The following PRR11 variants were observed in gnomAD, a reference collection of about 807,000 sequenced individuals.
The protein encoded by PRR11 is proline rich 11.
Under a neutral mutation model 45.6 loss-of-function variants are expected in PRR11, and 30 were observed. The observed-to-expected ratio is 0.66, with a 90% confidence interval of 0.49 to 0.89. PRR11 has a LOEUF of 0.89. PRR11 is among the 40% of genes least tolerant of loss of function. The pLI is 0.00. For synonymous variants in PRR11, 128 were observed against 153.5 expected, an observed-to-expected ratio of 0.83 and a Z score of 1.23; for missense variants, 373 against 424.8, an observed-to-expected ratio of 0.88 and a Z score of 1.07.
chr17:59,201,557 T>A lies in PRR11; in HGVS notation c.1015-6T>A. The A allele has an allele frequency of 6.2e-7, 1 of 1,609,704 alleles. No individual in the cohort carries two copies. Among genetic ancestry groups the A allele is most frequent in the Admixed American group, 1.7e-5 (1 of 59,988 alleles). On this transcript the variant is annotated splice_region_variant and splice_polypyrimidine_tract_variant and intron_variant, in intron 9 of 9. Transcript: ENST00000262293. ...ATATTATAATTGGGACTTTTTTTTT[T>A]TATAGCTGGCTCACCCTAGAAGCCC...
intron 2 of PRR11, among the ~76,000 whole-genome samples, chr17:59,184,722 A>C (rs1165869718): frequency 1.3e-5 from 2 of 152,142 alleles, no homozygotes; most frequent in African/African-American, 4.8e-5. Flanking sequence ...GCTTTCATAT[A>C]TTAGAAGATC....
intron 2 of PRR11, among the ~76,000 whole-genome samples, chr17:59,182,032 T>A (rs1805651111): frequency 6.6e-6 from 1 of 151,446 alleles, no homozygotes; most frequent in South Asian, 2.1e-4. Context: ...ATTGGTTTTT[T>A]TTTTTTTTGT....
chr17:59,178,264 G>A (rs1044601968), intron 2 of PRR11, among the ~76,000 whole-genome samples: 1 of 151,820 alleles, frequency 6.6e-6, no homozygotes, highest in Non-Finnish European at 1.5e-5. Context: ...AACCCAGGAG[G>A]CTTCAGCTGC....
At chr17:59,186,381 ATTTTTTTTTTTTTTTT>A (rs59082405) in intron 4 of PRR11, among the ~76,000 whole-genome samples, 2 of 84,666 alleles carry the variant, frequency 2.4e-5, no homozygotes, top group Non-Finnish European at 2.3e-5. Flanking sequence ...GCTGTTTGTA[ATTTTTTTTTTTTTTTT>A]TTTTTTTTTT....
chr17:59,185,780 T>C lies in PRR11; in HGVS notation c.402+218T>C, dbSNP rs116597542. On this transcript the variant is annotated intron_variant, in intron 4 of 9. Coordinates refer to ENST00000262293, the MANE Select transcript of PRR11 (RefSeq NM_018304.4). The stretch of plus-strand genomic sequence containing the variant: ...TGGGATAATCTGATCAGATAGCTGA[T>C]TGGATCAGGGAACATCTTTTCCTGA... Among the ~76,000 whole-genome samples the C allele has an allele frequency of 3.1e-3, 476 of 152,300 alleles. 3 individuals are homozygous for C. The highest frequency in any genetic ancestry group is 0.011 in the African/African-American group (463 of 41,556).
intron 4 of PRR11, among the ~76,000 whole-genome samples, chr17:59,192,060 A>G (rs1196693033): frequency 6.6e-6 from 1 of 152,162 alleles, no homozygotes; most frequent in Non-Finnish European, 1.5e-5. Context: ...GGCTTTACAA[A>G]TGTAATTAGG....
At chr17:59,201,042 C>G (rs553522001) in intron 9 of PRR11, among the ~76,000 whole-genome samples, 22 of 152,118 alleles carry the variant, frequency 1.4e-4, no homozygotes, top group African/African-American at 5.1e-4. Flanking sequence ...TTTTGGCACA[C>G]CCATCACCCA....
In PRR11 at chr17:59,162,034, T is replaced by C. The variant is rs546002985; in HGVS notation, c.-6+6229T>C. Among the ~76,000 whole-genome samples, 5 of 152,280 alleles carry C rather than the reference T, an allele frequency of 3.3e-5. No individual in the cohort carries two copies. The East Asian group carries it at 9.6e-4, about 29-fold the overall frequency. On this transcript the variant is annotated intron_variant, in intron 1 of 9. Transcript: ENST00000262293. ...TTTGACTGAGGTAGAAATTTGCTATTCTCCACTTTCGCAAGAGCTGTGATT... is the reference window on the plus strand; with the variant it reads ...TTTGACTGAGGTAGAAATTTGCTATCCTCCACTTTCGCAAGAGCTGTGATT...
At chr17:59,191,350 C>G (rs1199923647) in intron 4 of PRR11, among the ~76,000 whole-genome samples, 1 of 151,754 alleles carries the variant, frequency 6.6e-6, no homozygotes, top group Non-Finnish European at 1.5e-5. Flanking sequence ...TCCCAAGTAG[C>G]TGGGATTACA....
intron 1 of PRR11, among the ~76,000 whole-genome samples, chr17:59,158,874 G>A (rs569041329): frequency 3.9e-5 from 6 of 152,338 alleles, no homozygotes; most frequent in Admixed American, 3.9e-4. Flanking sequence ...TGCACCCAGT[G>A]CAGTGGCGTG....
At position 59,169,708 on chromosome 17, in the gene PRR11, A is replaced by G. The variant is rs1448621968; in HGVS notation, c.-5-40A>G. On this transcript the variant is annotated intron_variant, in intron 1 of 9. Transcript: ENST00000262293. ...ATTTGTGTACTTTCTATATGTATAT[A>G]TTATTCTTCAATTAAAAATGTAAAA... The G allele has an allele frequency of 1.0e-5, 15 of 1,477,316 alleles. No homozygotes were observed. The Admixed American group carries it at 2.6e-4, about 25-fold the overall frequency. 91.5% of individuals were successfully genotyped at this position (1,477,316 alleles called of 1,614,324 possible).
chr17:59,197,721 A>G lies in PRR11; in HGVS notation c.946A>G (p.Lys316Glu). The G allele has an allele frequency of 1.2e-6, 2 of 1,614,024 alleles. No homozygotes were observed. The highest frequency in any genetic ancestry group is 2.2e-5 in the South Asian group (2 of 91,092). ...RSPGGTPLTN[K>E]ENMETGTGLT... ...CCCAGGTGGAACCCCTCTTACCAATAAGGAAAATATGGAAACAGGAACAGG... is the reference window on the plus strand; with the variant it reads ...CCCAGGTGGAACCCCTCTTACCAATGAGGAAAATATGGAAACAGGAACAGG... The change falls in exon 9 of 10, where the codon AAG becomes GAG. Residue 316 changes from lysine to glutamate, a missense_variant. Coordinates refer to ENST00000262293, the MANE Select transcript of PRR11 (RefSeq NM_018304.4).
chr17:59,162,047 A>G (rs1438077340), intron 1 of PRR11, among the ~76,000 whole-genome samples: 1 of 152,144 alleles, frequency 6.6e-6, no homozygotes, highest in Admixed American at 6.5e-5. Flanking sequence ...CCACTTTCGC[A>G]AGAGCTGTGA....
intron 2 of PRR11, chr17:59,181,559 C>G: frequency 8.0e-7 from 1 of 1,253,076 alleles, no homozygotes; most frequent in South Asian, 1.2e-5. Flanking sequence ...ACGAATGACA[C>G]TAGCCGTTGC....
chr17:59,182,542 C>G (rs1036446577), intron 2 of PRR11, among the ~76,000 whole-genome samples: 3 of 150,336 alleles, frequency 2.0e-5, no homozygotes, highest in Non-Finnish European at 3.0e-5. Flanking sequence ...CAGGCGCGCA[C>G]CACTACCACC....
At chr17:59,179,902 T>G (rs1173890017) in intron 2 of PRR11, 46 of 1,326,960 alleles carry the variant, frequency 3.5e-5, no homozygotes, top group Admixed American at 6.9e-5. Context: ...ACCAGGCCAC[T>G]GTATAATGCT....
chr17:59,158,945 C>T (rs1368218905), intron 1 of PRR11, among the ~76,000 whole-genome samples: 2 of 152,172 alleles, frequency 1.3e-5, no homozygotes, highest in Admixed American at 1.3e-4. Flanking sequence ...CTCAGCCTCC[C>T]GCGTAGCTGG....
intron 2 of PRR11, among the ~76,000 whole-genome samples, chr17:59,175,588 C>T (rs1452437869): frequency 1.3e-5 from 2 of 152,168 alleles, no homozygotes; most frequent in Non-Finnish European, 2.9e-5. Context: ...ACTAAAGATA[C>T]AAAAATCAGC....
chr17:59,161,194 G>A (rs1709664761), intron 1 of PRR11, among the ~76,000 whole-genome samples: 2 of 151,948 alleles, frequency 1.3e-5, no homozygotes, highest in Non-Finnish European at 1.5e-5. Context: ...ATAACCTGAG[G>A]TCAGCAGTTC....
Sources: gnomAD v4.1 joint callset for allele counts (sites outside exome capture counted in the v4.1 genomes callset) on GRCh38, gnomAD v4.1.1 for gene constraint, MANE v1.5 for transcripts, NCBI Gene and HGNC (gene_info 2026-07-23, HGNC 2026-07-21) for gene names.